EPHA6: variants seen among roughly 807,000 people sequenced by gnomAD.
EPHA6 encodes ephrin type-A receptor 6.
A neutral mutation model predicts 112.0 loss-of-function variants in EPHA6; 50 were observed. The observed-to-expected ratio is 0.45, with a 90% confidence interval of 0.36 to 0.56. EPHA6 has a LOEUF of 0.56. EPHA6 is among the 20% of genes least tolerant of loss of function. The pLI, the probability that EPHA6 is intolerant of heterozygous loss-of-function variation, is 0.00. For missense variants in EPHA6, 1,280 were observed against 1,417.4 expected, an observed-to-expected ratio of 0.90 and a Z score of 1.56; for synonymous variants, 529 against 490.7, an observed-to-expected ratio of 1.08 and a Z score of -1.03.
intron 6 of EPHA6, among the ~76,000 whole-genome samples, chr3:97,429,644 A>C (rs775276095): frequency 1.6e-5 from 2 of 123,566 alleles, no homozygotes; most frequent in Non-Finnish European, 3.0e-5. Flanking sequence ...GTTTATTCAG[A>C]GTCCTTAGTT....
intron 12 of EPHA6, among the ~76,000 whole-genome samples, chr3:97,604,321 A>G (rs1422892957): frequency 1.3e-5 from 2 of 151,668 alleles, no homozygotes; most frequent in African/African-American, 2.4e-5. Context: ...GGGTGAGCAA[A>G]ATATAGAGTA....
intron 5 of EPHA6, among the ~76,000 whole-genome samples, chr3:97,400,485 G>A (rs980828859): frequency 6.6e-6 from 1 of 151,594 alleles, no homozygotes; most frequent in Non-Finnish European, 1.5e-5. Flanking sequence ...TATTTTGATA[G>A]GGGTGGTATG....
rs573412564 is a variant in EPHA6, at chr3:97,635,630, C to T, written c.2575-2243C>T. Among the ~76,000 whole-genome samples, 26 of 152,040 alleles carry T rather than the reference C, an allele frequency of 1.7e-4. No individual in the cohort carries two copies. In the South Asian group the frequency reaches 1.9e-3, roughly 11 times the overall value. On this transcript the variant is annotated intron_variant, in intron 13 of 17. Transcript: ENST00000389672. ...GAGCTAGAAAGTAGACTACTGGTTG[C>T]CCGGGGTGGTGGGAGGAGTTAGGAG...
chr3:97,180,625 TAG>T (rs2108449817), intron 3 of EPHA6, among the ~76,000 whole-genome samples: 1 of 152,162 alleles, frequency 6.6e-6, no homozygotes, highest in African/African-American at 2.4e-5. Context: ...CCCTCTGACC[TAG>T]AGTGTGTCTA....
At chr3:97,019,511 C>G (rs540194925) in intron 3 of EPHA6, among the ~76,000 whole-genome samples, 1 of 152,126 alleles carries the variant, frequency 6.6e-6, no homozygotes, top group Non-Finnish European at 1.5e-5. Context: ...TTTCTCAACA[C>G]AAAAAGACTG....
chr3:96,892,954 A>ATGTGTGTG lies in EPHA6; in HGVS notation c.450+26085_450+26092dup, dbSNP rs144428670. On this transcript the variant is annotated intron_variant, in intron 2 of 17. Coordinates refer to ENST00000389672, the MANE Select transcript of EPHA6 (RefSeq NM_001080448.3). ...CTGATTCCAACTTATATATATATATATGTGTGTGTGTGTGTGTGTGTGTGT... is the reference window on the plus strand; with the variant it reads ...CTGATTCCAACTTATATATATATATATGTGTGTGTGTGTGTGTGTGTGTGTGTGTGTGT... Among the ~76,000 whole-genome samples, 113 of 132,424 alleles carry ATGTGTGTG rather than the reference A, an allele frequency of 8.5e-4. 1 individual carries two copies. Among genetic ancestry groups the ATGTGTGTG allele is most frequent in the African/African-American group, 2.6e-3 (96 of 37,176 alleles). 86.9% of individuals were successfully genotyped at this position (132,424 alleles called of 152,430 possible).
rs117379534 is a variant in EPHA6, at chr3:97,428,002, C to A, written c.1732-20566C>A. Among the ~76,000 whole-genome samples, 9 of 152,108 alleles carry A rather than the reference C, an allele frequency of 5.9e-5. No homozygotes were observed. The South Asian group carries it at 1.9e-3, about 32-fold the overall frequency. On this transcript the variant is annotated intron_variant, in intron 6 of 17. Transcript: ENST00000389672. The stretch of plus-strand genomic sequence containing the variant: ...AAATAATCTATACCCCAAATCCCTG[C>A]AACACACAATTTATGTAACAAACCT...
intron 6 of EPHA6, among the ~76,000 whole-genome samples, chr3:97,443,377 AAAG>A (rs1356916843): frequency 6.6e-6 from 1 of 151,640 alleles, no homozygotes; most frequent in Non-Finnish European, 1.5e-5. Flanking sequence ...AAAAAAAAAA[AAAG>A]ATTTGGATAG....
intron 5 of EPHA6, among the ~76,000 whole-genome samples, chr3:97,260,451 C>T (rs543706450): frequency 6.6e-6 from 1 of 152,184 alleles, no homozygotes; most frequent in Non-Finnish European, 1.5e-5. Flanking sequence ...AATTTGCCCA[C>T]AGAATTATAG....
At chr3:97,559,664 AC>A in intron 11 of EPHA6, 1 of 455,202 alleles carries the variant, frequency 2.2e-6, no homozygotes, top group Non-Finnish European at 4.4e-6. Context: ...AAATCAAGGT[AC>A]CTGAAAAGCA....
chr3:97,566,086 C>T (rs1460216673), intron 11 of EPHA6, among the ~76,000 whole-genome samples: 1 of 151,752 alleles, frequency 6.6e-6, no homozygotes, highest in Non-Finnish European at 1.5e-5. Flanking sequence ...AGCATGGCAC[C>T]AACATCTGTT....
At chr3:97,353,241 A>G (rs1488150134) in intron 5 of EPHA6, among the ~76,000 whole-genome samples, 1 of 151,162 alleles carries the variant, frequency 6.6e-6, no homozygotes, top group Non-Finnish European at 1.5e-5. Context: ...ATGGGAAGAG[A>G]TTTCTTCTGC....
At position 97,345,576 on chromosome 3, in the gene EPHA6, A is replaced by G. The variant is rs540735824; in HGVS notation, c.1607-59574A>G. On this transcript the variant is annotated intron_variant, in intron 5 of 17. Coordinates refer to ENST00000389672, the MANE Select transcript of EPHA6 (RefSeq NM_001080448.3). ...CAACAGTGTATTGGTCAACTATACT[A>G]AATTACTGGTGGTTGACAAGATATT... Among the ~76,000 whole-genome samples, 3 of 152,284 alleles carry G rather than the reference A, an allele frequency of 2.0e-5. No individual in the cohort carries two copies. In the South Asian group the frequency reaches 6.2e-4, roughly 32 times the overall value.
At chr3:97,104,068 G>A (rs1231550998) in intron 3 of EPHA6, among the ~76,000 whole-genome samples, 1 of 152,114 alleles carries the variant, frequency 6.6e-6, no homozygotes, top group Non-Finnish European at 1.5e-5. Context: ...GGGTTTTCTA[G>A]ATATGGAATC....
rs541379706 is a variant in EPHA6 at position 97,367,195 on chromosome 3, A to C, written c.1607-37955A>C. ...ATAGCTTTGAAATCTATTGTGTTACATACACTACAGTAATACAGTATTATA... is the reference window on the plus strand; with the variant it reads ...ATAGCTTTGAAATCTATTGTGTTACCTACACTACAGTAATACAGTATTATA... On this transcript the variant is annotated intron_variant, in intron 5 of 17. Transcript: ENST00000389672. Among the ~76,000 whole-genome samples, 20 of 152,352 alleles carry C rather than the reference A, an allele frequency of 1.3e-4. 1 individual carries two copies. In the South Asian group the frequency reaches 4.1e-3, roughly 32 times the overall value.
intron 1 of EPHA6, among the ~76,000 whole-genome samples, chr3:96,863,346 G>A (rs1237390161): frequency 1.3e-5 from 2 of 151,918 alleles, no homozygotes; most frequent in Non-Finnish European, 2.9e-5. Flanking sequence ...TCACCTTGCT[G>A]TGTTCAACGT....
intron 5 of EPHA6, among the ~76,000 whole-genome samples, chr3:97,288,244 A>T (rs543197852): frequency 6.2e-4 from 95 of 152,042 alleles, no homozygotes; most frequent in African/African-American, 2.2e-3. Flanking sequence ...TTCCTTCCTC[A>T]CCCTCTGTAG....
In EPHA6 at chr3:97,532,554, G is replaced by T. The variant is rs769188909; in HGVS notation, c.2386+11G>T. 3.2e-6 allele frequency: 5 copies of T among 1,580,258 alleles called. No homozygotes were observed. Among genetic ancestry groups the T allele is most frequent in the South Asian group, 1.2e-5 (1 of 85,794 alleles). Reference sequence around the variant, plus strand: ...GGGTTGTCACCAAAAGTAAGTTACTGAGTTTCTTCATTACTTCTTTCACAC... The same window carrying T: ...GGGTTGTCACCAAAAGTAAGTTACTTAGTTTCTTCATTACTTCTTTCACAC... On this transcript the variant is annotated intron_variant, in intron 11 of 17. Transcript: ENST00000389672.
chr3:97,540,703 T>G (rs1360966264), intron 11 of EPHA6, among the ~76,000 whole-genome samples: 2 of 152,194 alleles, frequency 1.3e-5, no homozygotes, highest in African/African-American at 4.8e-5. Context: ...TGTGAAGGTA[T>G]CATTGTAAAC....
Sources: gnomAD v4.1 joint callset for allele counts (sites outside exome capture counted in the v4.1 genomes callset) on GRCh38, gnomAD v4.1.1 for gene constraint, MANE v1.5 for transcripts, NCBI Gene and HGNC (gene_info 2026-07-23, HGNC 2026-07-21) for gene names.